DZANK1: variants seen among roughly 807,000 people sequenced by gnomAD.
The protein encoded by DZANK1 is double zinc ribbon and ankyrin repeat domains 1, also known as double zinc ribbon and ankyrin repeat-containing protein 1.
A neutral mutation model predicts 94.5 loss-of-function variants in DZANK1; 91 were observed. That is an observed-to-expected ratio of 0.96 (90% CI 0.81 to 1.15). The LOEUF (loss-of-function observed/expected upper bound fraction) is 1.15. Ranked by LOEUF, DZANK1 falls within the 50% of genes most tolerant of loss-of-function variation. DZANK1 has a pLI of 0.00. For synonymous variants in DZANK1, 312 were observed against 325.3 expected, an observed-to-expected ratio of 0.96 and a Z score of 0.44; for missense variants, 903 against 916.4, an observed-to-expected ratio of 0.99 and a Z score of 0.19.
intron 13 of DZANK1, among the ~76,000 whole-genome samples, chr20:18,404,773 G>C (rs953966653): frequency 1.3e-5 from 2 of 152,174 alleles, no homozygotes; most frequent in African/African-American, 4.8e-5. Flanking sequence ...AGAGCCAGGA[G>C]TAGTGGAATG....
In DZANK1 at chr20:18,461,757, G is replaced by A. The variant is rs906695838; in HGVS notation, c.110-1451C>T. Among the ~76,000 whole-genome samples, 8 of 151,896 alleles carry A rather than the reference G, an allele frequency of 5.3e-5. No homozygotes were observed. In the South Asian group the frequency reaches 6.2e-4, roughly 12 times the overall value. Reference sequence around the variant, plus strand: ...TAGGATTACAAGCACCCACCACCACGCCCAGCTAATTTTTGTATTTTTAGT... The same window carrying A: ...TAGGATTACAAGCACCCACCACCACACCCAGCTAATTTTTGTATTTTTAGT... On this transcript the variant is annotated intron_variant, in intron 2 of 20. Coordinates refer to ENST00000262547, the Ensembl canonical transcript of DZANK1.
At position 18,396,365 on chromosome 20, in the gene DZANK1, G is replaced by A. The variant is rs2295068; in HGVS notation, c.1611+107C>T. On this transcript the variant is annotated intron_variant, in intron 15 of 20. Transcript: ENST00000262547. Reference sequence around the variant, plus strand: ...CTTGCCTCTAGTAGCATTTCATAATGTGTGAAACTTTTCCTTTCTATGGAT... The same window carrying A: ...CTTGCCTCTAGTAGCATTTCATAATATGTGAAACTTTTCCTTTCTATGGAT... 1.6e-3 allele frequency: 1,486 copies of A among 902,910 alleles called. 22 individuals carry two copies. The Admixed American group carries it at 0.028, about 17-fold the overall frequency. 55.9% of individuals were successfully genotyped at this position (902,910 alleles called of 1,614,324 possible). A position where few individuals can be genotyped will look rare whatever the true frequency, so the allele number is the denominator to read the frequency against.
chr20:18,426,367 G>C (rs922001701), intron 10 of DZANK1, among the ~76,000 whole-genome samples: 5 of 152,026 alleles, frequency 3.3e-5, no homozygotes, highest in African/African-American at 9.7e-5. Flanking sequence ...GTTGGGGACC[G>C]CTGCTGTAGA....
At chr20:18,465,943 A>T (rs995482113) in intron 1 of DZANK1, among the ~76,000 whole-genome samples, 4 of 152,238 alleles carry the variant, frequency 2.6e-5, no homozygotes, top group Admixed American at 2.0e-4. Context: ...TCTCAGTGGA[A>T]AGGAAGTTTG....
chr20:18,442,148 T>C (rs1049923380), intron 8 of DZANK1, among the ~76,000 whole-genome samples: 2 of 152,206 alleles, frequency 1.3e-5, no homozygotes, highest in African/African-American at 2.4e-5. Context: ...CTAATAGAAA[T>C]ATAACTGGGG....
At chr20:18,440,575 T>G (rs2058686005) in intron 8 of DZANK1, among the ~76,000 whole-genome samples, 1 of 152,158 alleles carries the variant, frequency 6.6e-6, no homozygotes, top group South Asian at 2.1e-4. Context: ...GCATGCTGGG[T>G]TGGGTCCCTA....
At chr20:18,386,079 C>T (rs796668279) in intron 19 of DZANK1, among the ~76,000 whole-genome samples, 3 of 152,322 alleles carry the variant, frequency 2.0e-5, no homozygotes, top group African/African-American at 7.2e-5. Flanking sequence ...GCCCCTGCTC[C>T]TTCCTTTGAC....
intron 10 of DZANK1, among the ~76,000 whole-genome samples, chr20:18,426,117 G>A (rs1047714049): frequency 2.0e-5 from 3 of 152,196 alleles, no homozygotes; most frequent in Middle Eastern, 3.2e-3. Flanking sequence ...TTAGGAACCA[G>A]GCCACACAGC....
At chr20:18,403,796 C>CTTTTTTTT (rs35824877) in intron 13 of DZANK1, among the ~76,000 whole-genome samples, 15 of 111,748 alleles carry the variant, frequency 1.3e-4, no homozygotes, top group East Asian at 2.9e-4. Flanking sequence ...AACTTTCTTT[C>CTTTTTTTT]TTTTTTTTTT....
At chr20:18,387,697 G>T (rs1418823826) in intron 19 of DZANK1, among the ~76,000 whole-genome samples, 1 of 152,208 alleles carries the variant, frequency 6.6e-6, no homozygotes, top group Non-Finnish European at 1.5e-5. Flanking sequence ...TGGAGGATGT[G>T]AATTTCTCCT....
chr20:18,410,384 A>G (rs976498908), intron 13 of DZANK1, among the ~76,000 whole-genome samples: 4 of 152,220 alleles, frequency 2.6e-5, no homozygotes, highest in African/African-American at 9.6e-5. Context: ...ATGTATGAGG[A>G]AAACCCTATA....
In DZANK1 at chr20:18,395,377, A is replaced by C. The variant is rs183785510; in HGVS notation, c.1612-1027T>G. 8.9e-4 allele frequency among the ~76,000 whole-genome samples: 136 copies of C among 152,296 alleles called. 2 individuals are homozygous for C. In the South Asian group the frequency reaches 0.015, roughly 17 times the overall value. ...AATCTGTCTCAAAACAAAGCAAAACAAAACCAAACCAAAACAAAACAATGA... is the reference window on the plus strand; with the variant it reads ...AATCTGTCTCAAAACAAAGCAAAACCAAACCAAACCAAAACAAAACAATGA... On this transcript the variant is annotated intron_variant, in intron 15 of 20. Coordinates refer to ENST00000262547, the Ensembl canonical transcript of DZANK1.
At chr20:18,407,540 G>A (rs751531111) in intron 13 of DZANK1, among the ~76,000 whole-genome samples, 17 of 152,306 alleles carry the variant, frequency 1.1e-4, no homozygotes, top group Non-Finnish European at 2.4e-4. Flanking sequence ...AGCATCACCA[G>A]CATTCAGGAG....
chr20:18,385,268 G>C (rs1467004370), intron 19 of DZANK1, among the ~76,000 whole-genome samples, 178 bp from the exon 20 acceptor site: 2 of 151,548 alleles, frequency 1.3e-5, no homozygotes, highest in Non-Finnish European at 1.5e-5. Flanking sequence ...TGGAGGGTAA[G>C]CTTTGATACT....
intron 14 of DZANK1, among the ~76,000 whole-genome samples, chr20:18,396,877 G>A (rs1383988308): frequency 6.6e-6 from 1 of 152,158 alleles, no homozygotes; most frequent in East Asian, 1.9e-4. Context: ...TACATGACTA[G>A]ATGTTATCAC....
exon 8 of DZANK1, chr20:18,443,414 C>T (rs1207453728): frequency 1.3e-6 from 2 of 1,531,040 alleles, no homozygotes; most frequent in African/African-American, 1.4e-5. Context: ...ACATTCTTGA[C>T]AGAAGCGAGC....
chr20:18,389,636 G>A, intron 19 of DZANK1, 65 bp downstream of exon 19: 1 of 1,596,176 alleles, frequency 6.3e-7, no homozygotes, highest in Non-Finnish European at 8.5e-7. Context: ...CGCTTCTGCT[G>A]CAGTGGAGCT....
intron 13 of DZANK1, among the ~76,000 whole-genome samples, chr20:18,406,402 C>G (rs1048072460): frequency 4.6e-5 from 7 of 152,314 alleles, no homozygotes; most frequent in Middle Eastern, 3.4e-3. Context: ...TAAGGCCCCC[C>G]TTCTAGGCCC....
rs145966900 is a variant in DZANK1 at position 18,426,121 on chromosome 20, A to G, written c.954+946T>C. ...TCTGTGGCTTGTTAGGAACCAGGCC[A>G]CACAGCAGGAGGTGAGTGCTCCGCC... On this transcript the variant is annotated intron_variant, in intron 10 of 20. Transcript: ENST00000262547. 2.4e-3 allele frequency among the ~76,000 whole-genome samples: 363 copies of G among 152,334 alleles called. 5 individuals carry two copies. The highest frequency in any genetic ancestry group is 0.02 in the Admixed American group (305 of 15,302).
Sources: allele counts gnomAD v4.1 joint callset (sites outside exome capture counted in the v4.1 genomes callset), GRCh38; gene constraint gnomAD v4.1.1; transcripts MANE v1.5; gene names NCBI Gene and HGNC (gene_info 2026-07-23, HGNC 2026-07-21).